The following CCL17 variants were observed in gnomAD, a reference collection of about 807,000 sequenced individuals.
CCL17 encodes the protein C-C motif chemokine 17.
CCL17 carries 8 observed loss-of-function variants against 7.4 expected under a neutral mutation model. The observed-to-expected ratio is 1.09, with a 90% CI of 0.64 to 1.96. CCL17 has a LOEUF of 1.96. Among genes scored for constraint, CCL17 ranks in the 30% most tolerant of loss-of-function variants. The probability of loss-of-function intolerance (pLI) is 0.00; values close to 1 mark genes in which losing one functional copy is unlikely to be tolerated. For synonymous variants in CCL17, 40 were observed against 46.1 expected, an observed-to-expected ratio of 0.87 and a Z score of 0.54; for missense variants, 102 against 113.0, an observed-to-expected ratio of 0.90 and a Z score of 0.44.
chr16:57,415,502 G>T lies in CCL17; in HGVS notation c.189-263G>T, dbSNP rs1056233998. Among the ~76,000 whole-genome samples the T allele has an allele frequency of 6.6e-6, 1 of 152,200 alleles. No homozygotes were observed. Among genetic ancestry groups the T allele is most frequent in the African/African-American group, 2.4e-5 (1 of 41,452 alleles). On this transcript the variant is annotated intron_variant, in intron 3 of 3. Transcript: ENST00000219244. The surrounding 1 kb of genome is among the most constrained non-coding windows in gnomAD (Gnocchi z 4.5). ...CCTGAGCCCTGCCCGCAGTCTCCAC[G>T]TCCCAGGCTCTAGACTGTCTGGGGG...
At chr16:57,408,003 C>T (rs1465706500) in intron 1 of CCL17, among the ~76,000 whole-genome samples, 1 of 149,102 alleles carries the variant, frequency 6.7e-6, no homozygotes, top group African/African-American at 2.5e-5. Context: ...CCATCCATCC[C>T]TCCATCCATC....
chr16:57,412,212 G>A (rs934003667), intron 1 of CCL17, among the ~76,000 whole-genome samples: 7 of 152,210 alleles, frequency 4.6e-5, no homozygotes, highest in East Asian at 1.9e-4. Context: ...GTGAGCCGCC[G>A]GAGGTCATAT....
chr16:57,397,705 T>C, the CCL17 span, among the ~76,000 whole-genome samples: 1 of 152,228 alleles, frequency 6.6e-6, no homozygotes, highest in Non-Finnish European at 1.5e-5. Context: ...TATTGCAGCA[T>C]GGGCATGTAG....
chr16:57,401,353 G>A (rs953222208), upstream of CCL17, among the ~76,000 whole-genome samples: 7 of 151,886 alleles, frequency 4.6e-5, no homozygotes, highest in South Asian at 2.1e-4. Flanking sequence ...GTGGAACCCC[G>A]TCTCTACTAA....
At chr16:57,396,711 G>A in the CCL17 span, among the ~76,000 whole-genome samples, 1 of 152,196 alleles carries the variant, frequency 6.6e-6, no homozygotes. Context: ...CAAGCCATCT[G>A]AATGGAGCTG....
At chr16:57,397,926 G>A in the CCL17 span, among the ~76,000 whole-genome samples, 1 of 152,220 alleles carries the variant, frequency 6.6e-6, no homozygotes, top group Middle Eastern at 3.4e-3. Context: ...TCAGCATATA[G>A]GTTAAGGTCA....
In CCL17 at chr16:57,415,927, A is replaced by G; in HGVS notation, c.*66A>G. Reference sequence around the variant, plus strand: ...CCTGGGACCTCCACCGTTGGTGTTCACCGCCCCCACCCTGAGCGCCTGGGT... The same window carrying G: ...CCTGGGACCTCCACCGTTGGTGTTCGCCGCCCCCACCCTGAGCGCCTGGGT... On this transcript the variant is annotated 3_prime_UTR_variant, in exon 4 of 4. Transcript: ENST00000219244. This position sits in a 1 kb window ranked among gnomAD's most constrained non-coding sequence, Gnocchi z 4.5. 9.3e-7 allele frequency: 1 copy of G among 1,072,274 alleles called. No individual in the cohort carries two copies. The highest frequency in any genetic ancestry group is 1.4e-6 in the Non-Finnish European group (1 of 692,608). 66.4% of individuals were successfully genotyped at this position (1,072,274 alleles called of 1,614,324 possible). A position where few individuals can be genotyped will look rare whatever the true frequency, so the allele number is the denominator to read the frequency against.
the CCL17 span, among the ~76,000 whole-genome samples, chr16:57,398,071 T>C: frequency 0.031 from 4,741 of 152,248 alleles, 108 homozygotes; most frequent in Non-Finnish European, 0.047. Flanking sequence ...CACAGGTGCA[T>C]ATTTGAAGCA....
chr16:57,406,489 G>A (rs1042925451), intron 1 of CCL17, among the ~76,000 whole-genome samples: 1 of 152,158 alleles, frequency 6.6e-6, no homozygotes, highest in Non-Finnish European at 1.5e-5. Flanking sequence ...CCCTGAAGCT[G>A]TTGTGAGGAC....
At chr16:57,406,691 G>A (rs1345996697) in intron 1 of CCL17, among the ~76,000 whole-genome samples, 1 of 152,146 alleles carries the variant, frequency 6.6e-6, no homozygotes, top group African/African-American at 2.4e-5. Context: ...GCGATTCCCT[G>A]AGCCAGCTGG....
chr16:57,414,162 C>A (rs1231679185), intron 2 of CCL17, among the ~76,000 whole-genome samples, 160 bp downstream of exon 2: 1 of 151,992 alleles, frequency 6.6e-6, no homozygotes, highest in Non-Finnish European at 1.5e-5. Context: ...TTGAGGGAAA[C>A]AAGCAGAGAA....
chr16:57,399,222 G>A, the CCL17 span, among the ~76,000 whole-genome samples: 2 of 152,106 alleles, frequency 1.3e-5, no homozygotes, highest in Non-Finnish European at 2.9e-5. Flanking sequence ...GTTCTCACCT[G>A]GACCTGTCTG....
chr16:57,400,332 C>G (rs1378764872), upstream of CCL17, among the ~76,000 whole-genome samples: 1 of 151,890 alleles, frequency 6.6e-6, no homozygotes, highest in East Asian at 1.9e-4. Flanking sequence ...GCACTCCAGC[C>G]TGGGCAACAG....
At chr16:57,409,604 T>TGGA (rs567982103) in intron 1 of CCL17, among the ~76,000 whole-genome samples, 544 of 151,658 alleles carry the variant, frequency 3.6e-3, no homozygotes, top group Non-Finnish European at 5.1e-3. Flanking sequence ...AGCAGAGAGA[T>TGGA]GGAGGAGGAG....
At chr16:57,409,988 G>A (rs1902758183) in intron 1 of CCL17, among the ~76,000 whole-genome samples, 1 of 152,194 alleles carries the variant, frequency 6.6e-6, no homozygotes, top group Non-Finnish European at 1.5e-5. Flanking sequence ...GAGACCTCGG[G>A]CAAGTCACTG....
At chr16:57,414,100 T>C in intron 2 of CCL17, 98 bp downstream of exon 2, 1 of 865,830 alleles carries the variant, frequency 1.2e-6, no homozygotes, top group South Asian at 1.8e-5. Flanking sequence ...GTGTATTATT[T>C]ACACCCCACC....
At chr16:57,412,280 G>T (rs1227266113) in intron 1 of CCL17, among the ~76,000 whole-genome samples, 10 of 152,176 alleles carry the variant, frequency 6.6e-5, no homozygotes, top group Non-Finnish European at 1.0e-4. Context: ...ACTCCCAGGT[G>T]CGGAAGCAGC....
chr16:57,404,210 G>A (rs532235555), upstream of CCL17, among the ~76,000 whole-genome samples: 2 of 152,276 alleles, frequency 1.3e-5, no homozygotes, highest in East Asian at 1.9e-4. Context: ...TGTCCTCTGC[G>A]TGAGGTGGAG....
chr16:57,405,986 A>G (rs1598010285), intron 1 of CCL17, among the ~76,000 whole-genome samples: 1 of 152,122 alleles, frequency 6.6e-6, no homozygotes, highest in Non-Finnish European at 1.5e-5. Flanking sequence ...AGCTTGCAGT[A>G]AGCCGAGATA....
Sources: gnomAD v4.1 joint callset for allele counts (sites outside exome capture counted in the v4.1 genomes callset) on GRCh38, gnomAD v4.1.1 for gene constraint, Gnocchi (gnomAD v3.1) non-coding constraint, MANE v1.5 for transcripts, NCBI Gene and HGNC (gene_info 2026-07-23, HGNC 2026-07-21) for gene names.